The following USP48 variants were observed in gnomAD, a reference collection of about 807,000 sequenced individuals.
USP48 encodes ubiquitin carboxyl-terminal hydrolase 48.
A neutral mutation model predicts 150.7 loss-of-function variants in USP48; 43 were observed. That is an observed-to-expected ratio of 0.29 (90% CI 0.22 to 0.37). USP48 has a LOEUF of 0.37. Among genes scored for constraint, USP48 ranks in the 10% least tolerant of loss-of-function variants. The pLI, the probability that USP48 is intolerant of heterozygous loss-of-function variation, is 1.00. For synonymous variants in USP48, 396 were observed against 425.9 expected, an observed-to-expected ratio of 0.93 and a Z score of 0.86; for missense variants, 813 against 1,249.6, an observed-to-expected ratio of 0.65 and a Z score of 5.27.
chr1:21,689,948 C>A (rs1396793463), intron 24 of USP48, 26 bp downstream of exon 24: 3 of 1,610,784 alleles, frequency 1.9e-6, no homozygotes, highest in South Asian at 1.1e-5. Flanking sequence ...ACCTTGAGTT[C>A]TTCAGCTAAG....
chr1:21,737,912 T>C (rs1044494779), intron 8 of USP48, among the ~76,000 whole-genome samples: 6 of 152,188 alleles, frequency 3.9e-5, no homozygotes, highest in South Asian at 4.2e-4. Context: ...TTTTTTTTTT[T>C]CCCTGAGACG....
chr1:21,689,217 C>T (rs72660368), intron 24 of USP48, among the ~76,000 whole-genome samples: 9,352 of 133,208 alleles, frequency 0.07, 402 homozygotes, highest in Non-Finnish European at 0.088. Flanking sequence ...CCATTTTTTG[C>T]TTTTTTTTTT....
At chr1:21,712,260 G>A (rs1296495913) in intron 15 of USP48, among the ~76,000 whole-genome samples, 3 of 152,198 alleles carry the variant, frequency 2.0e-5, no homozygotes, top group Non-Finnish European at 2.9e-5. Context: ...TTGGGAAGCT[G>A]AGGCAGGAGA....
chr1:21,703,458 A>C, intron 21 of USP48, 54 bp downstream of exon 21: 1 of 1,435,396 alleles, frequency 7.0e-7, no homozygotes, highest in Admixed American at 1.8e-5. Context: ...CAGCAAATCA[A>C]GCCAAAGAGC....
chr1:21,765,288 T>C (rs186712362), intron 1 of USP48, among the ~76,000 whole-genome samples: 1 of 152,272 alleles, frequency 6.6e-6, no homozygotes, highest in East Asian at 1.9e-4. Context: ...TCTGCTGTGA[T>C]TTTAGGCCAG....
intron 1 of USP48, among the ~76,000 whole-genome samples, chr1:21,761,895 G>A (rs114017156): frequency 0.02 from 3,101 of 152,328 alleles, 41 homozygotes; most frequent in Middle Eastern, 0.048. Context: ...CATCCACTGT[G>A]GGGAGAAGAA....
rs1407057815 is a variant in USP48 at position 21,782,804 on chromosome 1, G to A, written c.134+20C>T. ...AGGTCCGGCGCGAGGAGCCCGCGAG[G>A]CGCGGTGCGCGGGCCTCACCTGCAC... On this transcript the variant is annotated intron_variant, in intron 1 of 26. Coordinates refer to ENST00000308271, the MANE Select transcript of USP48 (RefSeq NM_032236.8). The A allele has an allele frequency of 1.3e-6, 2 of 1,513,448 alleles. No individual in the cohort carries two copies. The highest frequency in any genetic ancestry group is 5.5e-5 in the East Asian group (2 of 36,676). 93.8% of individuals were successfully genotyped at this position (1,513,448 alleles called of 1,614,324 possible). A position where few individuals can be genotyped will look rare whatever the true frequency, so the allele number is the denominator to read the frequency against.
intron 1 of USP48, among the ~76,000 whole-genome samples, chr1:21,781,366 G>C (rs1024165589): frequency 1.3e-5 from 2 of 152,172 alleles, no homozygotes; most frequent in African/African-American, 2.4e-5. Flanking sequence ...TTGAACCAAG[G>C]AGGCAGAGGT....
chr1:21,693,318 C>T (rs1467298160), intron 23 of USP48, among the ~76,000 whole-genome samples: 1 of 152,152 alleles, frequency 6.6e-6, no homozygotes, highest in South Asian at 2.1e-4. Context: ...TTCAAGCAAA[C>T]CTTACAAACT....
In USP48 at chr1:21,701,872, T is replaced by C. The variant is rs1478783427; in HGVS notation, c.2623-270A>G. On this transcript the variant is annotated intron_variant, in intron 21 of 26. Transcript: ENST00000308271. ...GGTCTCTGCAGAGCAGTTATTATTA[T>C]CAGTCTTGTACAATGATGTTATTTT... 2.6e-5 allele frequency among the ~76,000 whole-genome samples: 4 copies of C among 152,316 alleles called. No individual in the cohort carries two copies. In the East Asian group the frequency reaches 5.8e-4, roughly 22 times the overall value.
At chr1:21,696,597 A>G (rs2097632297) in intron 22 of USP48, among the ~76,000 whole-genome samples, 1 of 152,206 alleles carries the variant, frequency 6.6e-6, no homozygotes, top group South Asian at 2.1e-4. Context: ...ATTAGAGGAC[A>G]TTAGGGAGTT....
At chr1:21,737,088 C>T (rs534824925) in intron 8 of USP48, among the ~76,000 whole-genome samples, 121 of 152,270 alleles carry the variant, frequency 7.9e-4, no homozygotes, top group Non-Finnish European at 1.4e-3. Context: ...CAAAAACTGA[C>T]GGCAAGTCAT....
intron 1 of USP48, among the ~76,000 whole-genome samples, chr1:21,761,660 C>T (rs2097850328): frequency 6.6e-6 from 1 of 152,090 alleles, no homozygotes; most frequent in Non-Finnish European, 1.5e-5. Context: ...AAGGCTCAGG[C>T]AGAAGATGGC....
chr1:21,715,423 TTCC>T lies in USP48; in HGVS notation c.1926_1928del (p.Glu643del), dbSNP rs762172702. 3.2e-6 allele frequency: 5 copies of T among 1,585,574 alleles called. No homozygotes were observed. Among genetic ancestry groups the T allele is most frequent in the Non-Finnish European group, 4.3e-6 (5 of 1,155,452 alleles). ...ACAGAATATCTTCATTAAAATTTAATTCCTCCTCTTCTTTTCTTTCTTCCTTTG... is the reference window on the plus strand; with the variant it reads ...ACAGAATATCTTCATTAAAATTTAATTCCTCTTCTTTTCTTTCTTCCTTTG... On this transcript the variant is annotated inframe_deletion, in exon 15 of 27. Coordinates refer to ENST00000308271, the MANE Select transcript of USP48 (RefSeq NM_032236.8).
chr1:21,772,903 C>G (rs1385611970), intron 1 of USP48, among the ~76,000 whole-genome samples: 3 of 142,516 alleles, frequency 2.1e-5, no homozygotes, highest in African/African-American at 7.9e-5. Context: ...GCCTGGGAAA[C>G]AGAGCAAGAC....
chr1:21,765,332 C>A (rs920547063), intron 1 of USP48, among the ~76,000 whole-genome samples: 1 of 152,064 alleles, frequency 6.6e-6, no homozygotes, highest in South Asian at 2.1e-4. Flanking sequence ...CAGGACAGAC[C>A]GGGCGGGGTG....
intron 1 of USP48, 33 bp downstream of exon 1, chr1:21,782,791 A>G (rs1371992073): frequency 4.8e-5 from 72 of 1,504,050 alleles, no homozygotes; most frequent in Non-Finnish European, 6.3e-5. Flanking sequence ...GTCCGGCGCG[A>G]GGAGCCCGCG....
intron 24 of USP48, among the ~76,000 whole-genome samples, chr1:21,688,047 C>T (rs1378058798): frequency 6.6e-6 from 1 of 152,116 alleles, no homozygotes; most frequent in Admixed American, 6.5e-5. Context: ...GAAAAGCATA[C>T]ATTTCACAGT....
At chr1:21,708,357 G>A (rs2152523995) in intron 15 of USP48, among the ~76,000 whole-genome samples, 1 of 152,130 alleles carries the variant, frequency 6.6e-6, no homozygotes, top group East Asian at 1.9e-4. Flanking sequence ...AAATTAGCCA[G>A]GTGTGTGGCA....
Sources: allele counts gnomAD v4.1 joint callset (sites outside exome capture counted in the v4.1 genomes callset), GRCh38; gene constraint gnomAD v4.1.1; transcripts MANE v1.5; gene names NCBI Gene and HGNC (gene_info 2026-07-23, HGNC 2026-07-21).